The following SAMD12 variants were observed in gnomAD, a reference collection of about 807,000 sequenced individuals.
SAMD12 encodes the protein sterile alpha motif domain-containing protein 12.
A neutral mutation model predicts 15.0 loss-of-function variants in SAMD12; 9 were observed. The observed-to-expected ratio is 0.60, with a 90% confidence interval of 0.36 to 1.05. The LOEUF (loss-of-function observed/expected upper bound fraction) is 1.05. Ranked by LOEUF, SAMD12 falls within the 50% of genes least tolerant of loss-of-function variation. The pLI, the probability that SAMD12 is intolerant of heterozygous loss-of-function variation, is 0.01. For synonymous variants in SAMD12, 86 were observed against 90.1 expected (o/e 0.96, Z 0.25); for missense variants, 230 against 234.2 (o/e 0.98, Z 0.12).
intron 2 of SAMD12, among the ~76,000 whole-genome samples, chr8:118,565,444 AG>A (rs1409813711): frequency 2.0e-5 from 3 of 152,210 alleles, no homozygotes; most frequent in Non-Finnish European, 4.4e-5. Flanking sequence ...TAATCATCAA[AG>A]AAGTAGCACC....
Position 118,265,974 on chromosome 8 carries a change from G to GAGAC in SAMD12, c.434-68246_434-68243dup, listed in dbSNP as rs1307702311. 2.0e-5 allele frequency among the ~76,000 whole-genome samples: 3 copies of GAGAC among 152,040 alleles called. No homozygotes were observed. The East Asian group carries it at 5.8e-4, about 29-fold the overall frequency. ...TTCACACTGTTATAAAGACATACCT[G>GAGAC]AGACTGGGTAATTTATAAAGAAAAG... is the stretch of plus-strand genomic sequence containing the variant. On this transcript the variant is annotated intron_variant, in intron 4 of 4. Coordinates refer to the SAMD12 transcript ENST00000409003.
At chr8:118,259,730 G>A (rs560694640) in intron 4 of SAMD12, among the ~76,000 whole-genome samples, 1 of 152,104 alleles carries the variant, frequency 6.6e-6, no homozygotes, top group Non-Finnish European at 1.5e-5. Context: ...TACTGTACTA[G>A]GAGAGCTGAG....
At chr8:118,360,420 T>C (rs748599578) in intron 4 of SAMD12, among the ~76,000 whole-genome samples, 22 of 152,122 alleles carry the variant, frequency 1.4e-4, no homozygotes, top group Non-Finnish European at 3.2e-4. Flanking sequence ...ATGGTTTATT[T>C]AAAGACTAAA....
chr8:118,496,714 G>C (rs1824624577), intron 2 of SAMD12, among the ~76,000 whole-genome samples: 1 of 152,024 alleles, frequency 6.6e-6, no homozygotes. Context: ...AACAAAAACA[G>C]ACAAGTGGGA....
chr8:118,570,442 T>C (rs1272941105), intron 2 of SAMD12, among the ~76,000 whole-genome samples: 1 of 152,182 alleles, frequency 6.6e-6, no homozygotes, highest in South Asian at 2.1e-4. Context: ...CTCCCACTTA[T>C]AAGTGAGAAC....
At chr8:118,189,660 C>T (rs1006140693) in exon 5 of SAMD12, 3 of 151,960 alleles carry the variant, frequency 2.0e-5, no homozygotes, top group African/African-American at 4.8e-5. Flanking sequence ...CCCCCCTCAA[C>T]TCTTTTTGAG....
the SAMD12 span, among the ~76,000 whole-genome samples, chr8:118,160,637 A>G: frequency 6.6e-6 from 1 of 152,234 alleles, no homozygotes; most frequent in Non-Finnish European, 1.5e-5. Flanking sequence ...ACAAATACAA[A>G]TAAGAAGAAA....
chr8:118,387,687 T>G (rs539850816), intron 3 of SAMD12, among the ~76,000 whole-genome samples: 21 of 152,208 alleles, frequency 1.4e-4, no homozygotes, highest in Admixed American at 4.6e-4. Flanking sequence ...CTGAACCATC[T>G]CCCTAAACTG....
Position 118,379,828 on chromosome 8 carries a change from G to A in SAMD12, c.323-128C>T, listed in dbSNP as rs370095561. On this transcript the variant is annotated intron_variant, in intron 3 of 3. Coordinates refer to ENST00000314727, the MANE Select transcript of SAMD12 (RefSeq NM_207506.3). ...CTAAACACAGACATTTTAGAATAAA[G>A]GTCTTCCATTATTATTGCTGACACA... 9.6e-5 allele frequency: 113 copies of A among 1,171,336 alleles called. No homozygotes were observed. In the South Asian group the frequency reaches 1.7e-3, roughly 18 times the overall value. The allele number at this position is 1,171,336 out of a possible 1,614,324, so 72.6% of individuals were successfully genotyped here. A position where few individuals can be genotyped will look rare whatever the true frequency, so the allele number is the denominator to read the frequency against.
At chr8:118,481,598 C>T (rs6993971) in intron 2 of SAMD12, among the ~76,000 whole-genome samples, 92,778 of 151,956 alleles carry the variant, frequency 0.61, 28,583 homozygotes, top group Non-Finnish European at 0.63. Context: ...GATCTATTTT[C>T]ACCAATGATT....
At chr8:118,519,693 T>A (rs1431921026) in intron 2 of SAMD12, among the ~76,000 whole-genome samples, 1 of 152,190 alleles carries the variant, frequency 6.6e-6, no homozygotes, top group African/African-American at 2.4e-5. Flanking sequence ...ATAACAGAGA[T>A]CTGCCTAAAG....
chr8:118,450,665 T>A (rs1823053940), intron 2 of SAMD12, among the ~76,000 whole-genome samples: 1 of 152,128 alleles, frequency 6.6e-6, no homozygotes, highest in South Asian at 2.1e-4. Flanking sequence ...TGACAAAAAA[T>A]GTCCTCAGTG....
At chr8:118,445,475 C>T (rs1354296025) in intron 2 of SAMD12, among the ~76,000 whole-genome samples, 1 of 152,072 alleles carries the variant, frequency 6.6e-6, no homozygotes, top group Non-Finnish European at 1.5e-5. Context: ...ACAGAGAAAA[C>T]TCTTAAACTT....
intron 4 of SAMD12, among the ~76,000 whole-genome samples, chr8:118,288,748 A>G (rs962976646): frequency 1.3e-5 from 2 of 152,210 alleles, no homozygotes; most frequent in African/African-American, 4.8e-5. Context: ...AACTTCATAT[A>G]CGATTACTAA....
At chr8:118,190,929 A>G (rs1436994670) in exon 5 of SAMD12, 1 of 152,184 alleles carries the variant, frequency 6.6e-6, no homozygotes, top group Non-Finnish European at 1.5e-5. Flanking sequence ...AAACCACAAC[A>G]GATCGATATT....
intron 4 of SAMD12, among the ~76,000 whole-genome samples, chr8:118,241,375 G>T (rs1586376424): frequency 6.6e-6 from 1 of 152,028 alleles, no homozygotes; most frequent in East Asian, 1.9e-4. Context: ...CCACAACAGT[G>T]TTCAGAGAGA....
At position 118,288,260 on chromosome 8, in the gene SAMD12, G is replaced by T. The variant is rs1814161553; in HGVS notation, c.434-90528C>A. The T allele has an allele frequency of 2.0e-5, 3 of 152,162 alleles. No individual in the cohort carries two copies. In the South Asian group the frequency reaches 6.2e-4, roughly 32 times the overall value. 9.4% of individuals were successfully genotyped at this position (152,162 alleles called of 1,614,324 possible). ...ACAGGTGCCAAGACTGAGGCTCAGAGAAATGAAATAACATGCCAAAGGTCA... is the reference window on the plus strand; with the variant it reads ...ACAGGTGCCAAGACTGAGGCTCAGATAAATGAAATAACATGCCAAAGGTCA... On this transcript the variant is annotated intron_variant, in intron 4 of 4. Coordinates refer to the SAMD12 transcript ENST00000409003.
intron 2 of SAMD12, among the ~76,000 whole-genome samples, chr8:118,496,847 A>G (rs1275994692): frequency 3.3e-5 from 5 of 151,882 alleles, no homozygotes; most frequent in Admixed American, 3.3e-4. Flanking sequence ...AGAGTTTATA[A>G]GGAACTTAAG....
At chr8:118,456,145 G>A (rs757980652) in intron 2 of SAMD12, among the ~76,000 whole-genome samples, 5 of 152,266 alleles carry the variant, frequency 3.3e-5, no homozygotes, top group South Asian at 2.1e-4. Context: ...CTTTGTCATG[G>A]TCTTGATGTT....
Sources: allele counts gnomAD v4.1 joint callset (sites outside exome capture counted in the v4.1 genomes callset), GRCh38; gene constraint gnomAD v4.1.1; transcripts MANE v1.5; gene names NCBI Gene and HGNC (gene_info 2026-07-23, HGNC 2026-07-21).